CHCHD6: variants seen among roughly 807,000 people sequenced by gnomAD.
The protein encoded by CHCHD6 is coiled-coil-helix-coiled-coil-helix domain containing 6, also known as MICOS complex subunit MIC25.
Under a neutral mutation model 32.3 loss-of-function variants are expected in CHCHD6, and 28 were observed. The observed-to-expected ratio is 0.87, with a 90% confidence interval of 0.64 to 1.19. The LOEUF (loss-of-function observed/expected upper bound fraction) is 1.19, where lower values mean the gene tolerates loss of function less well. Ranked by LOEUF, CHCHD6 falls within the 50% of genes most tolerant of loss-of-function variation. CHCHD6 has a pLI of 0.00. For missense variants in CHCHD6, 333 were observed against 307.0 expected (o/e 1.08, Z -0.63); for synonymous variants, 122 against 117.5 (o/e 1.04, Z -0.25).
At chr3:126,787,617 C>T (rs909619008) in intron 4 of CHCHD6, among the ~76,000 whole-genome samples, 1 of 152,072 alleles carries the variant, frequency 6.6e-6, no homozygotes, top group Admixed American at 6.6e-5. Flanking sequence ...CATGATTTGG[C>T]TCTCTGTTTG....
rs62263273 is a variant in CHCHD6 at position 126,754,525 on chromosome 3, C to T, written c.411+21303C>T. Among the ~76,000 whole-genome samples, 372 of 152,290 alleles carry T rather than the reference C, an allele frequency of 2.4e-3. 2 individuals are homozygous for T. The highest frequency in any genetic ancestry group is 5.9e-3 in the Admixed American group (90 of 15,306). On this transcript the variant is annotated intron_variant, in intron 4 of 7. Coordinates refer to ENST00000290913, the MANE Select transcript of CHCHD6 (RefSeq NM_032343.3). ...TGTGGCTGAGCTCTTTCTAAGGTAC[C>T]GGCTATTGGCAGAGGAGCAAGCTGG...
At chr3:126,861,214 C>A (rs924951236) in intron 5 of CHCHD6, among the ~76,000 whole-genome samples, 1 of 152,048 alleles carries the variant, frequency 6.6e-6, no homozygotes, top group African/African-American at 2.4e-5. Flanking sequence ...GACTCTGCCT[C>A]CTTGCATCCC....
At chr3:126,809,119 A>G (rs1939545856) in intron 4 of CHCHD6, among the ~76,000 whole-genome samples, 1 of 151,986 alleles carries the variant, frequency 6.6e-6, no homozygotes, top group Non-Finnish European at 1.5e-5. Flanking sequence ...TTACAGGCAT[A>G]TGCCACCACG....
chr3:126,908,909 C>T (rs2078043131), intron 5 of CHCHD6, among the ~76,000 whole-genome samples: 1 of 152,238 alleles, frequency 6.6e-6, no homozygotes, highest in Admixed American at 6.5e-5. Context: ...TGACCCTTGC[C>T]TGTGGTTACA....
chr3:126,864,066 T>C (rs1431843524), intron 5 of CHCHD6, among the ~76,000 whole-genome samples: 227 of 46,288 alleles, frequency 4.9e-3, no homozygotes, highest in Middle Eastern at 0.017. Context: ...TCACCTCCTC[T>C]TCCCCCACAA....
intron 4 of CHCHD6, among the ~76,000 whole-genome samples, chr3:126,800,607 C>T (rs116268342): frequency 0.028 from 4,208 of 152,308 alleles, 59 homozygotes; most frequent in Middle Eastern, 0.051. Flanking sequence ...TAAAACGTCA[C>T]AGTTTTATCT....
intron 6 of CHCHD6, among the ~76,000 whole-genome samples, chr3:126,950,985 G>A (rs752908441): frequency 5.9e-5 from 9 of 152,154 alleles, no homozygotes; most frequent in East Asian, 1.9e-4. Context: ...AAGGTCTCAC[G>A]GAAGCTTGTC....
At chr3:126,957,852 C>T in intron 7 of CHCHD6, 1 of 488,402 alleles carries the variant, frequency 2.0e-6, no homozygotes, top group Admixed American at 3.3e-5. Context: ...AAGGGCCGGG[C>T]CCCTTGTGGG....
At chr3:126,813,743 G>GT (rs1939759440) in intron 4 of CHCHD6, among the ~76,000 whole-genome samples, 2 of 152,272 alleles carry the variant, frequency 1.3e-5, no homozygotes, top group Non-Finnish European at 2.9e-5. Flanking sequence ...ACCCTCACCT[G>GT]TTTCTTTGCT....
chr3:126,721,158 C>T (rs1319893296), intron 1 of CHCHD6, among the ~76,000 whole-genome samples: 1 of 152,216 alleles, frequency 6.6e-6, no homozygotes, highest in South Asian at 2.1e-4. Context: ...TCCCACCTCC[C>T]ACGCAGGCCG....
At chr3:126,789,019 G>A (rs754423185) in intron 4 of CHCHD6, among the ~76,000 whole-genome samples, 3 of 152,114 alleles carry the variant, frequency 2.0e-5, no homozygotes, top group African/African-American at 7.2e-5. Flanking sequence ...CTGGTGTGTT[G>A]TGTCTTTGTT....
chr3:126,712,768 T>G (rs929873552), intron 1 of CHCHD6, among the ~76,000 whole-genome samples: 16 of 152,226 alleles, frequency 1.1e-4, no homozygotes, highest in Non-Finnish European at 2.1e-4. Flanking sequence ...CACCCATGAC[T>G]TCTGGATTCT....
chr3:126,870,030 G>A (rs1417849166), intron 5 of CHCHD6, among the ~76,000 whole-genome samples: 2 of 152,152 alleles, frequency 1.3e-5, no homozygotes, highest in Admixed American at 6.5e-5. Context: ...CTCCCAGGTT[G>A]GAAAAGCATG....
chr3:126,710,881 T>C (rs552510381), intron 1 of CHCHD6, among the ~76,000 whole-genome samples: 1 of 152,114 alleles, frequency 6.6e-6, no homozygotes, highest in East Asian at 1.9e-4. Context: ...TGTTTACAAA[T>C]AAAGACTGAC....
At chr3:126,867,070 G>A (rs532459307) in intron 5 of CHCHD6, among the ~76,000 whole-genome samples, 1 of 152,298 alleles carries the variant, frequency 6.6e-6, no homozygotes, top group Admixed American at 6.5e-5. Flanking sequence ...TCATGCCAGT[G>A]CCTTGTTGCA....
chr3:126,791,236 G>A lies in CHCHD6; in HGVS notation c.411+58014G>A, dbSNP rs970543735. Among the ~76,000 whole-genome samples the A allele has an allele frequency of 6.6e-5, 10 of 152,112 alleles. No homozygotes were observed. In the East Asian group the frequency reaches 9.7e-4, roughly 15 times the overall value. On this transcript the variant is annotated intron_variant, in intron 4 of 7. Coordinates refer to ENST00000290913, the MANE Select transcript of CHCHD6 (RefSeq NM_032343.3). ...TTTGAGGTGTCAGTCTGCCCCTATT[G>A]GGGGGTGCCTCCCAGTTAGGCTCCT...
At chr3:126,931,127 G>A (rs1469237665) in intron 6 of CHCHD6, among the ~76,000 whole-genome samples, 1 of 152,158 alleles carries the variant, frequency 6.6e-6, no homozygotes, top group African/African-American at 2.4e-5. Flanking sequence ...AGGGAAACAT[G>A]AGGCTTTGCT....
At chr3:126,918,092 T>C (rs1312456021) in intron 6 of CHCHD6, among the ~76,000 whole-genome samples, 1 of 152,238 alleles carries the variant, frequency 6.6e-6, no homozygotes, top group East Asian at 1.9e-4. Context: ...ATTGAGCTTA[T>C]AAAAACACTT....
At chr3:126,912,218 C>G (rs139964307) in intron 5 of CHCHD6, among the ~76,000 whole-genome samples, 1 of 152,330 alleles carries the variant, frequency 6.6e-6, no homozygotes, top group Non-Finnish European at 1.5e-5. Context: ...CTGATGAGGT[C>G]TCATGAAGGG....
Sources: gnomAD v4.1 joint callset for allele counts (sites outside exome capture counted in the v4.1 genomes callset) on GRCh38, gnomAD v4.1.1 for gene constraint, MANE v1.5 for transcripts, NCBI Gene and HGNC (gene_info 2026-07-23, HGNC 2026-07-21) for gene names.